The following SLC24A4 variants were observed in gnomAD, a reference collection of about 807,000 sequenced individuals.
The protein encoded by SLC24A4 is sodium/potassium/calcium exchanger 4.
Under a neutral mutation model 79.0 loss-of-function variants are expected in SLC24A4, and 53 were observed. That is an observed-to-expected ratio of 0.67 (90% CI 0.54 to 0.84). SLC24A4 has a LOEUF of 0.84. SLC24A4 is among the 40% of genes least tolerant of loss of function. The probability of loss-of-function intolerance (pLI) is 0.00; values close to 1 mark genes in which losing one functional copy is unlikely to be tolerated. For missense variants in SLC24A4, 731 were observed against 822.0 expected (o/e 0.89, Z 1.35); for synonymous variants, 323 against 323.8 (o/e 1.00, Z 0.03).
rs547903406 is a variant in SLC24A4, at chr14:92,486,549, C to G, written c.1423-117C>G. The G allele has an allele frequency of 7.6e-5, 50 of 659,770 alleles. No individual in the cohort carries two copies. The South Asian group carries it at 9.1e-4, about 12-fold the overall frequency. 40.9% of individuals were successfully genotyped at this position (659,770 alleles called of 1,614,324 possible). Reference sequence around the variant, plus strand: ...TTTTGTTTTGTTTTAAAAGAGGCAGCCCCAGTAATTCTAAAATAACTGTTT... The same window carrying G: ...TTTTGTTTTGTTTTAAAAGAGGCAGGCCCAGTAATTCTAAAATAACTGTTT... On this transcript the variant is annotated intron_variant, in intron 13 of 16. Coordinates refer to ENST00000532405, the MANE Select transcript of SLC24A4 (RefSeq NM_153646.4).
intron 2 of SLC24A4, among the ~76,000 whole-genome samples, chr14:92,376,448 G>A (rs902296176): frequency 2.0e-5 from 3 of 152,256 alleles, no homozygotes; most frequent in African/African-American, 4.8e-5. Flanking sequence ...CCCAGGCCAC[G>A]TCGGGGCAGC....
intron 14 of SLC24A4, among the ~76,000 whole-genome samples, chr14:92,489,452 T>C (rs955761797): frequency 6.6e-6 from 1 of 151,962 alleles, no homozygotes; most frequent in African/African-American, 2.4e-5. Context: ...AATAGCTTCC[T>C]GATGACAAAA....
intron 2 of SLC24A4, among the ~76,000 whole-genome samples, chr14:92,374,224 C>T (rs2141695409): frequency 6.6e-6 from 1 of 152,322 alleles, no homozygotes; most frequent in Admixed American, 6.5e-5. Context: ...ACTGTTACCT[C>T]ACCGTTCCTG....
intron 12 of SLC24A4, among the ~76,000 whole-genome samples, chr14:92,466,049 G>A (rs528240543): frequency 6.2e-4 from 95 of 152,226 alleles, no homozygotes; most frequent in Admixed American, 1.8e-3. Context: ...ATCAAAACCC[G>A]CCCTGCAGGA....
At chr14:92,458,435 G>A (rs936872943) in intron 12 of SLC24A4, among the ~76,000 whole-genome samples, 1 of 152,202 alleles carries the variant, frequency 6.6e-6, no homozygotes. Flanking sequence ...GGGGAACAGG[G>A]GCCCTGCTCA....
At chr14:92,371,260 G>A (rs560650655) in intron 2 of SLC24A4, among the ~76,000 whole-genome samples, 5 of 152,254 alleles carry the variant, frequency 3.3e-5, no homozygotes, top group African/African-American at 1.2e-4. Context: ...AATAAAAACA[G>A]TGGGCCTTAA....
intron 12 of SLC24A4, among the ~76,000 whole-genome samples, chr14:92,472,082 C>G (rs1339540657): frequency 6.6e-6 from 1 of 152,176 alleles, no homozygotes; most frequent in Non-Finnish European, 1.5e-5. Context: ...GGGAGCATGA[C>G]TTTCATGTGC....
At chr14:92,404,686 C>T (rs1948973178) in intron 2 of SLC24A4, among the ~76,000 whole-genome samples, 1 of 152,108 alleles carries the variant, frequency 6.6e-6, no homozygotes, top group Admixed American at 6.5e-5. Flanking sequence ...AGCATGCATC[C>T]CTTCACTCCC....
At chr14:92,467,835 GA>G (rs1894207143) in intron 12 of SLC24A4, among the ~76,000 whole-genome samples, 1 of 152,196 alleles carries the variant, frequency 6.6e-6, no homozygotes, top group Admixed American at 6.5e-5. Context: ...GGGCTTTTAA[GA>G]ATAAGTTTAC....
At chr14:92,394,601 C>A (rs1191754245) in intron 2 of SLC24A4, among the ~76,000 whole-genome samples, 1 of 152,130 alleles carries the variant, frequency 6.6e-6, no homozygotes, top group East Asian at 1.9e-4. Context: ...TGTTAAATGG[C>A]AATCCAGATG....
intron 13 of SLC24A4, chr14:92,483,600 A>T (rs78910036): frequency 2.0e-6 from 1 of 511,168 alleles, no homozygotes; most frequent in Non-Finnish European, 3.4e-6. Flanking sequence ...TCCTATGGCC[A>T]TACAGGACAA....
Position 92,492,692 on chromosome 14 carries a change from G to T in SLC24A4, c.1716+452G>T, listed in dbSNP as rs1895751331. On this transcript the variant is annotated intron_variant, in intron 16 of 16. Transcript: ENST00000532405. ...CTTACAACCACCTGATGAGGGAGGT[G>T]CTATCATTCCCATTGCAGAAGAAAT... is the stretch of plus-strand genomic sequence containing the variant. 1.1e-5 allele frequency: 4 copies of T among 376,470 alleles called. No homozygotes were observed. In the Admixed American group the frequency reaches 1.3e-4, roughly 12 times the overall value. The allele number at this position is 376,470 out of a possible 1,614,324, so 23.3% of individuals were successfully genotyped here.
rs1434998451 is a variant in SLC24A4 at position 92,407,738 on chromosome 14, C to CT, written c.242-26174_242-26173insT. Among the ~76,000 whole-genome samples the CT allele has an allele frequency of 2.6e-5, 4 of 151,196 alleles. No homozygotes were observed. The East Asian group carries it at 5.8e-4, about 22-fold the overall frequency. ...TGAGAACAGCAAGGGGGAAATCTGC[C>CT]CCTGTGATCCAGTCACCTCCCACCA... On this transcript the variant is annotated intron_variant, in intron 2 of 16. Coordinates refer to ENST00000532405, the MANE Select transcript of SLC24A4 (RefSeq NM_153646.4).
chr14:92,472,251 T>C (rs932513522), intron 12 of SLC24A4, among the ~76,000 whole-genome samples: 1 of 152,158 alleles, frequency 6.6e-6, no homozygotes, highest in African/African-American at 2.4e-5. Context: ...TCTCTTTTTT[T>C]AAATTTTTCA....
At chr14:92,360,763 C>T (rs143026071) in intron 2 of SLC24A4, among the ~76,000 whole-genome samples, 102 of 152,292 alleles carry the variant, frequency 6.7e-4, no homozygotes, top group African/African-American at 2.3e-3. Context: ...AGTCATTTGC[C>T]AGGTTGGCCC....
chr14:92,367,719 T>C lies in SLC24A4; in HGVS notation c.241+41741T>C, dbSNP rs183412342. On this transcript the variant is annotated intron_variant, in intron 2 of 16. Transcript: ENST00000532405. ...GATGTCTGGATTCAGGTGGTGCCCA[T>C]ATGCCGTAACGACTCCAAACCCTCA... Among the ~76,000 whole-genome samples, 363 of 152,310 alleles carry C rather than the reference T, an allele frequency of 2.4e-3. 1 individual carries two copies. The highest frequency in any genetic ancestry group is 8.1e-3 in the African/African-American group (338 of 41,574).
Position 92,343,640 on chromosome 14 carries a change from CTCTCT to C in SLC24A4, c.241+17664_241+17668del, listed in dbSNP as rs1886322959. Among the ~76,000 whole-genome samples, 92 of 95,042 alleles carry C rather than the reference CTCTCT, an allele frequency of 9.7e-4. 1 individual carries two copies. The highest frequency in any genetic ancestry group is 1.6e-3 in the Non-Finnish European group (66 of 41,198). The allele number at this position is 95,042 out of a possible 152,430, so 62.4% of individuals were successfully genotyped here. ...TCTTTCTTTCTTTCTTTCTTTCTTT[CTCTCT>C]TTCCTTCTTTCCTTCCTTCCTTCCT... is the stretch of plus-strand genomic sequence containing the variant. On this transcript the variant is annotated intron_variant, in intron 2 of 16. Coordinates refer to ENST00000532405, the MANE Select transcript of SLC24A4 (RefSeq NM_153646.4).
intron 2 of SLC24A4, among the ~76,000 whole-genome samples, chr14:92,343,735 C>T (rs1482712654): frequency 7.3e-6 from 1 of 136,998 alleles, no homozygotes; most frequent in Non-Finnish European, 1.6e-5. Flanking sequence ...CAGAGTCTCA[C>T]TCTGTCACCC....
At chr14:92,461,113 G>A (rs1893779951) in intron 12 of SLC24A4, among the ~76,000 whole-genome samples, 1 of 152,204 alleles carries the variant, frequency 6.6e-6, no homozygotes, top group African/African-American at 2.4e-5. Context: ...AAAGTCTCCT[G>A]GTGCAGCTTG....
Sources: gnomAD v4.1 joint callset for allele counts (sites outside exome capture counted in the v4.1 genomes callset) on GRCh38, gnomAD v4.1.1 for gene constraint, MANE v1.5 for transcripts, NCBI Gene and HGNC (gene_info 2026-07-23, HGNC 2026-07-21) for gene names.